Variants in PDE4D observed in about 807,000 individuals in gnomAD.
PDE4D encodes 3',5'-cyclic-AMP phosphodiesterase 4D.
Under a neutral mutation model 87.4 loss-of-function variants are expected in PDE4D, and 24 were observed. That is an observed-to-expected ratio of 0.27 (90% confidence interval 0.20 to 0.39). The LOEUF is 0.39. Ranked by LOEUF, PDE4D falls within the 10% of genes least tolerant of loss-of-function variation. The pLI, the probability that PDE4D is intolerant of heterozygous loss-of-function variation, is 1.00. For synonymous variants in PDE4D, 384 were observed against 383.2 expected (o/e 1.00, Z -0.02); for missense variants, 714 against 1,041.0 (o/e 0.69, Z 4.32).
At chr5:59,203,663 T>TA (rs1189474291) in intron 2 of PDE4D, among the ~76,000 whole-genome samples, 3 of 151,886 alleles carry the variant, frequency 2.0e-5, no homozygotes, top group African/African-American at 4.8e-5. Context: ...TACTCAGGCT[T>TA]AAAAAGGGGA....
At chr5:60,346,808 T>G (rs574738202) in intron 1 of PDE4D, among the ~76,000 whole-genome samples, 1 of 152,318 alleles carries the variant, frequency 6.6e-6, no homozygotes, top group South Asian at 2.1e-4. Flanking sequence ...TGTTTTTCAA[T>G]GCTAATTAAG....
chr5:59,153,559 T>G (rs572871165), intron 5 of PDE4D, among the ~76,000 whole-genome samples: 1 of 152,226 alleles, frequency 6.6e-6, no homozygotes, highest in Non-Finnish European at 1.5e-5. Context: ...TGGTTTCTAC[T>G]GTTCCATGTT....
chr5:59,875,966 G>A (rs1262270061), intron 1 of PDE4D, among the ~76,000 whole-genome samples: 1 of 152,174 alleles, frequency 6.6e-6, no homozygotes, highest in Non-Finnish European at 1.5e-5. Context: ...TTGGAGGCTG[G>A]AGGGTGGGAG....
chr5:59,043,326 A>G (rs1240718834), intron 5 of PDE4D, among the ~76,000 whole-genome samples: 5 of 152,204 alleles, frequency 3.3e-5, no homozygotes, highest in Non-Finnish European at 5.9e-5. Flanking sequence ...GATCAAGACC[A>G]TCCTGGCTAA....
At chr5:60,505,760 T>G (rs1250721382) in intron 1 of PDE4D, among the ~76,000 whole-genome samples, 1 of 152,276 alleles carries the variant, frequency 6.6e-6, no homozygotes, top group Non-Finnish European at 1.5e-5. Flanking sequence ...CCTTGATTTC[T>G]GACTCAGTTA....
intron 2 of PDE4D, among the ~76,000 whole-genome samples, chr5:60,101,245 A>C (rs1229272042): frequency 1.3e-5 from 2 of 152,092 alleles, no homozygotes; most frequent in African/African-American, 4.8e-5. Flanking sequence ...AATGAAATGA[A>C]TGCAGGTCCA....
chr5:59,899,716 G>C (rs1305271421), intron 3 of PDE4D, among the ~76,000 whole-genome samples: 1 of 152,114 alleles, frequency 6.6e-6, no homozygotes, highest in Non-Finnish European at 1.5e-5. Context: ...CCTGAAGGAA[G>C]CAAGGGAGTA....
chr5:59,154,123 T>C (rs974557983), intron 5 of PDE4D, among the ~76,000 whole-genome samples: 2 of 152,170 alleles, frequency 1.3e-5, no homozygotes, highest in South Asian at 2.1e-4. Context: ...GATTTTATCA[T>C]GGATGATGGG....
chr5:59,577,722 C>A (rs577876371), intron 1 of PDE4D, among the ~76,000 whole-genome samples: 1 of 152,014 alleles, frequency 6.6e-6, no homozygotes, highest in Non-Finnish European at 1.5e-5. Flanking sequence ...ACAATAATAG[C>A]GGAAGCTCTG....
chr5:59,803,792 G>A (rs1249671271), intron 1 of PDE4D, among the ~76,000 whole-genome samples: 2 of 152,168 alleles, frequency 1.3e-5, no homozygotes, highest in Non-Finnish European at 2.9e-5. Context: ...CACAGACAAG[G>A]TCACGTGGGC....
chr5:60,387,871 C>T (rs906293518), intron 1 of PDE4D, among the ~76,000 whole-genome samples: 12 of 152,264 alleles, frequency 7.9e-5, no homozygotes, highest in Middle Eastern at 6.8e-3. Context: ...AGGTTGAGGG[C>T]TCAGTCCCAA....
At chr5:60,246,397 C>T (rs2149672710) in intron 1 of PDE4D, among the ~76,000 whole-genome samples, 1 of 151,796 alleles carries the variant, frequency 6.6e-6, no homozygotes. Flanking sequence ...TCTTCCTGTG[C>T]TCTCCTTCTA....
chr5:60,425,249 A>C (rs1020085955), intron 1 of PDE4D, among the ~76,000 whole-genome samples: 1 of 152,234 alleles, frequency 6.6e-6, no homozygotes, highest in East Asian at 1.9e-4. Context: ...CAACAGAAGA[A>C]AGCTGGAAGC....
chr5:59,070,741 T>C (rs1240529142), intron 5 of PDE4D, among the ~76,000 whole-genome samples: 4 of 152,212 alleles, frequency 2.6e-5, no homozygotes, highest in Non-Finnish European at 5.9e-5. Context: ...TGTCCATATA[T>C]ACTTATCACT....
In PDE4D at chr5:59,696,969, A is replaced by C. The variant is rs79546154; in HGVS notation, c.455+196199T>G. Among the ~76,000 whole-genome samples, 152 of 152,366 alleles carry C rather than the reference A, an allele frequency of 1.0e-3. 1 individual carries two copies. The highest frequency in any genetic ancestry group is 3.6e-3 in the African/African-American group (148 of 41,592). ...TTACAATCACTGGTAAGAAAACCCC[A>C]AAATAGATCTAGTCTAGAAAATAAA... is the stretch of plus-strand genomic sequence containing the variant. On this transcript the variant is annotated intron_variant, in intron 1 of 14. Coordinates refer to ENST00000340635, the MANE Select transcript of PDE4D (RefSeq NM_001104631.2).
chr5:60,361,172 T>C (rs1474152580), intron 1 of PDE4D, among the ~76,000 whole-genome samples: 1 of 152,206 alleles, frequency 6.6e-6, no homozygotes, highest in Non-Finnish European at 1.5e-5. Context: ...TCTAGCATAG[T>C]GATCAAGCAC....
chr5:59,828,304 T>C (rs1037731496), intron 1 of PDE4D, among the ~76,000 whole-genome samples: 2 of 152,104 alleles, frequency 1.3e-5, no homozygotes, highest in East Asian at 1.9e-4. Context: ...ATATATGTTA[T>C]AGAAAATATT....
At chr5:59,123,664 T>C (rs1482141758) in intron 5 of PDE4D, among the ~76,000 whole-genome samples, 1 of 152,222 alleles carries the variant, frequency 6.6e-6, no homozygotes, top group Non-Finnish European at 1.5e-5. Flanking sequence ...TCTACTCCAT[T>C]GCAGACACCG....
intron 2 of PDE4D, among the ~76,000 whole-genome samples, chr5:59,204,130 TTTG>T (rs1484594957): frequency 1.3e-5 from 2 of 152,046 alleles, no homozygotes; most frequent in East Asian, 1.9e-4. Flanking sequence ...ATGCATATAA[TTTG>T]TTATTTGTTG....
Sources: gnomAD v4.1 joint callset for allele counts (sites outside exome capture counted in the v4.1 genomes callset) on GRCh38, gnomAD v4.1.1 for gene constraint, MANE v1.5 for transcripts, NCBI Gene and HGNC (gene_info 2026-07-23, HGNC 2026-07-21) for gene names.